The following MICA variants were observed in gnomAD, a reference collection of about 807,000 sequenced individuals.
MICA encodes MHC class I polypeptide-related sequence A.
A neutral mutation model predicts 34.3 loss-of-function variants in MICA; 18 were observed. The ratio of observed to expected loss-of-function variants is 0.52; its 90% CI spans 0.36 to 0.78. The LOEUF (loss-of-function observed/expected upper bound fraction) is 0.78, where lower values mean the gene tolerates loss of function less well. Ranked by LOEUF, MICA falls within the 30% of genes least tolerant of loss-of-function variation. The pLI is 0.00. For synonymous variants in MICA, 135 were observed against 156.9 expected (o/e 0.86, Z 1.04); for missense variants, 333 against 409.4 (o/e 0.81, Z 1.61).
intron 5 of MICA, 86 bp downstream of exon 5, chr6:31,412,546 G>A: frequency 1.1e-6 from 1 of 870,878 alleles, no homozygotes; most frequent in Non-Finnish European, 1.8e-6. Context: ...AGATAGGCAT[G>A]TTGGTGACAA....
At chr6:31,407,087 A>G (rs1013008783) in intron 1 of MICA, among the ~76,000 whole-genome samples, 2 of 151,782 alleles carry the variant, frequency 1.3e-5, no homozygotes, top group African/African-American at 4.9e-5. Context: ...ATTTCTGTGA[A>G]GAATGTCATT....
Position 31,411,020 on chromosome 6 carries a change from G to A in MICA, c.326-52G>A. The stretch of plus-strand genomic sequence containing the variant: ...CCCCTGGGCTGAGTTCCTCACTTGG[G>A]TGGAAAGGTGATGGGTTCGGGAATG... On this transcript the variant is annotated intron_variant, in intron 2 of 5. Coordinates refer to ENST00000449934, the MANE Select transcript of MICA (RefSeq NM_001177519.3). This position sits in a 1 kb window ranked among gnomAD's most constrained non-coding sequence, Gnocchi z 4.3. 4.0e-6 allele frequency: 6 copies of A among 1,513,160 alleles called. No homozygotes were observed. Among genetic ancestry groups the A allele is most frequent in the Non-Finnish European group, 5.3e-6 (6 of 1,129,094 alleles). 93.7% of individuals were successfully genotyped at this position (1,513,160 alleles called of 1,614,324 possible).
At chr6:31,414,639 G>A (rs1413072782) in intron 5 of MICA, among the ~76,000 whole-genome samples, 9 of 151,998 alleles carry the variant, frequency 5.9e-5, no homozygotes, top group Non-Finnish European at 1.2e-4. Flanking sequence ...CTGAAGGAGA[G>A]GAGGGCCTGG....
At chr6:31,404,435 G>A (rs1324719193) in intron 1 of MICA, among the ~76,000 whole-genome samples, 1 of 151,570 alleles carries the variant, frequency 6.6e-6, no homozygotes, top group African/African-American at 2.4e-5. Flanking sequence ...CCATCTCAGG[G>A]CCCGCTGAGT....
Position 31,403,699 on chromosome 6 carries a change from G to A in MICA, c.67G>A (p.Ala23Thr). ...IFPFAPPGAA[A>T]EPHSLRYNLT... ...CCCTTTTGCACCTCCGGGAGCTGCT[G>A]CTGGTGAGTGGCGTTCCTGGCGGTC... The change falls in exon 1 of 6, where the codon GCT becomes ACT. Residue 23 changes from alanine to threonine, a missense_variant. Coordinates refer to ENST00000449934, the MANE Select transcript of MICA (RefSeq NM_001177519.3). This position sits in a 1 kb window ranked among gnomAD's most constrained non-coding sequence, Gnocchi z 4.7. 6.5e-7 allele frequency: 1 copy of A among 1,531,646 alleles called. No homozygotes were observed. The allele number at this position is 1,531,646 out of a possible 1,614,324, so 94.9% of individuals were successfully genotyped here. A position where few individuals can be genotyped will look rare whatever the true frequency, so the allele number is the denominator to read the frequency against.
At chr6:31,406,790 G>A (rs972019030) in intron 1 of MICA, among the ~76,000 whole-genome samples, 5 of 151,798 alleles carry the variant, frequency 3.3e-5, no homozygotes, top group African/African-American at 1.2e-4. Context: ...AGTTTCCCCA[G>A]CACCATTTTT....
At chr6:31,402,886 C>T (rs17206434), upstream of MICA, among the ~76,000 whole-genome samples, 8,592 of 151,716 alleles carry the variant, frequency 0.057, 432 homozygotes, top group South Asian at 0.17. Flanking sequence ...GAGCCGCCTC[C>T]TTGGCCCTGT....
Position 31,412,384 on chromosome 6 carries a change from G to GCTGCT in MICA, c.952_953insCTGCT (p.Gly318AlafsTer70), listed in dbSNP as rs41293539. On this transcript the variant is annotated frameshift_variant, in exon 5 of 6. Coordinates refer to ENST00000449934, the MANE Select transcript of MICA (RefSeq NM_001177519.3). LOFTEE classifies it high-confidence loss of function. ...ATTCCATGTTTCTGCTGTTGCTGCT[G>GCTGCT]GCTGCTGCTATTTTTGTTATTATTA... is the stretch of plus-strand genomic sequence containing the variant. 18 of 1,199,762 alleles carry GCTGCT rather than the reference G, an allele frequency of 1.5e-5. 1 individual carries two copies. The highest frequency in any genetic ancestry group is 9.4e-5 in the Admixed American group (4 of 42,440). 74.3% of individuals were successfully genotyped at this position (1,199,762 alleles called of 1,614,324 possible). A position where few individuals can be genotyped will look rare whatever the true frequency, so the allele number is the denominator to read the frequency against.
chr6:31,412,907 C>T (rs1417658006), intron 5 of MICA, among the ~76,000 whole-genome samples: 1 of 151,750 alleles, frequency 6.6e-6, no homozygotes, highest in African/African-American at 2.4e-5. Context: ...GAGGCGGTGC[C>T]CCTATTCCCT....
At chr6:31,414,968 A>G (rs756908135) in intron 5 of MICA, 44 bp from the exon 6 acceptor site, 2 of 1,443,046 alleles carry the variant, frequency 1.4e-6, no homozygotes, top group Middle Eastern at 1.8e-4. Flanking sequence ...TAAACACAAC[A>G]CTGCACCCAG....
rs192374516 is a variant in MICA at position 31,407,363 on chromosome 6, A to G, written c.71-3180A>G. Among the ~76,000 whole-genome samples the G allele has an allele frequency of 2.2e-3, 332 of 151,924 alleles. 10 individuals are homozygous for G. Among genetic ancestry groups the G allele is most frequent in the Admixed American group, 0.018 (273 of 15,202 alleles). On this transcript the variant is annotated intron_variant, in intron 1 of 5. Transcript: ENST00000449934. ...GCTATTCTTCTGCCTCAGCCTCCCA[A>G]GTAGCTGGGATTACAGGCATGTGCC...
In MICA at chr6:31,411,782, T is replaced by C. The variant is rs1345612809; in HGVS notation, c.614-165T>C. On this transcript the variant is annotated intron_variant, in intron 3 of 5. Transcript: ENST00000449934. This position sits in a 1 kb window ranked among gnomAD's most constrained non-coding sequence, Gnocchi z 4.3. ...GAGGCCACAGTCCCAAGGCCCATCC[T>C]CCTGCCAGCCTGGAAGAACTGGGCC... 6.6e-6 allele frequency among the ~76,000 whole-genome samples: 1 copy of C among 151,772 alleles called. No homozygotes were observed. Among genetic ancestry groups the C allele is most frequent in the African/African-American group, 2.4e-5 (1 of 41,194 alleles).
At chr6:31,413,628 C>T (rs1771334141) in intron 5 of MICA, among the ~76,000 whole-genome samples, 1 of 151,868 alleles carries the variant, frequency 6.6e-6, no homozygotes, top group Non-Finnish European at 1.5e-5. Context: ...ATTGCACTGT[C>T]AATCGGCCCC....
In MICA at chr6:31,403,721, G is replaced by A. The variant is rs1348796322; in HGVS notation, c.70+19G>A. The A allele has an allele frequency of 1.3e-6, 2 of 1,526,458 alleles. No homozygotes were observed. Among genetic ancestry groups the A allele is most frequent in the Non-Finnish European group, 1.8e-6 (2 of 1,139,152 alleles). 94.6% of individuals were successfully genotyped at this position (1,526,458 alleles called of 1,614,324 possible). ...GCTGCTGGTGAGTGGCGTTCCTGGCGGTCCTCGGCGGAGCGGGAGCAGTGG... is the reference window on the plus strand; with the variant it reads ...GCTGCTGGTGAGTGGCGTTCCTGGCAGTCCTCGGCGGAGCGGGAGCAGTGG... On this transcript the variant is annotated intron_variant, in intron 1 of 5. Transcript: ENST00000449934. The surrounding 1 kb of genome is among the most constrained non-coding windows in gnomAD (Gnocchi z 4.7).
upstream of MICA, among the ~76,000 whole-genome samples, chr6:31,401,103 ACG>A (rs1265914311): frequency 2.0e-5 from 3 of 151,814 alleles, no homozygotes; most frequent in African/African-American, 7.3e-5. Context: ...GAGCTGGCAC[ACG>A]GAGGAAGTCC....
At chr6:31,406,217 C>G (rs1469590410) in intron 1 of MICA, among the ~76,000 whole-genome samples, 1 of 151,550 alleles carries the variant, frequency 6.6e-6, no homozygotes, top group Admixed American at 6.6e-5. Flanking sequence ...CGCCAGCATT[C>G]CTTATTGCCT....
chr6:31,412,536 A>T, intron 5 of MICA, 76 bp downstream of exon 5: 1 of 920,430 alleles, frequency 1.1e-6, no homozygotes, highest in Non-Finnish European at 1.7e-6. Flanking sequence ...GCTCCTGCAA[A>T]GATAGGCATG....
intron 1 of MICA, among the ~76,000 whole-genome samples, chr6:31,408,136 C>T (rs1401622062): frequency 2.6e-5 from 4 of 151,892 alleles, no homozygotes; most frequent in Non-Finnish European, 5.9e-5. Context: ...GTTGATATGA[C>T]GTATTACATT....
At chr6:31,400,855 G>A (rs2596538), upstream of MICA, 60,018 of 148,054 alleles carry the variant, frequency 0.41, 13,150 homozygotes, top group African/African-American at 0.52. Context: ...GGAGGGGGAG[G>A]GCTTTGGACA....
Sources: gnomAD v4.1 joint callset for allele counts (sites outside exome capture counted in the v4.1 genomes callset) on GRCh38, gnomAD v4.1.1 for gene constraint, Gnocchi (gnomAD v3.1) non-coding constraint, MANE v1.5 for transcripts, NCBI Gene and HGNC (gene_info 2026-07-23, HGNC 2026-07-21) for gene names.